COPG2: variants seen among roughly 807,000 people sequenced by gnomAD.
COPG2 encodes coat protein complex I subunit gamma 2.
In COPG2, 37 loss-of-function variants were observed where a neutral mutation model predicts 46.3. That is an observed-to-expected ratio of 0.80 (90% CI 0.61 to 1.05). The LOEUF (loss-of-function observed/expected upper bound fraction) is 1.05. Ranked by LOEUF, COPG2 falls within the 50% of genes least tolerant of loss-of-function variation. The pLI is 0.00. For synonymous variants in COPG2, 159 were observed against 129.7 expected (o/e 1.23, Z -1.53); for missense variants, 427 against 387.8 (o/e 1.10, Z -0.85).
intron 5 of COPG2, among the ~76,000 whole-genome samples, chr7:130,630,215 T>G (rs1013671351): frequency 3.7e-4 from 57 of 152,266 alleles, no homozygotes; most frequent in African/African-American, 1.3e-3. Context: ...CCGGCCCCTA[T>G]TTAGGTCTTA....
chr7:130,540,434 T>C (rs1488383536), intron 20 of COPG2, among the ~76,000 whole-genome samples: 1 of 151,692 alleles, frequency 6.6e-6, no homozygotes, highest in African/African-American at 2.4e-5. Flanking sequence ...AAACTGACAA[T>C]AGTAAGCACC....
At chr7:130,607,510 G>A in intron 9 of COPG2, 1 of 430,016 alleles carries the variant, frequency 2.3e-6, no homozygotes, top group South Asian at 1.7e-5. Context: ...AAGCTTGGCT[G>A]GGATCAAACT....
chr7:130,513,128 A>G (rs1799623719), intron 20 of COPG2, among the ~76,000 whole-genome samples: 1 of 151,178 alleles, frequency 6.6e-6, no homozygotes, highest in Non-Finnish European at 1.5e-5. Context: ...TCTACTAAAA[A>G]TGCAAAAAGT....
chr7:130,533,057 G>A (rs1799844536), intron 20 of COPG2, among the ~76,000 whole-genome samples: 3 of 152,238 alleles, frequency 2.0e-5, no homozygotes, highest in African/African-American at 2.4e-5. Flanking sequence ...ACGTGGAAAA[G>A]CAGGACAGAG....
intron 12 of COPG2, among the ~76,000 whole-genome samples, chr7:130,556,074 A>C (rs916324675): frequency 3.7e-4 from 56 of 152,316 alleles, no homozygotes; most frequent in African/African-American, 1.3e-3. Context: ...AGTGCAATGC[A>C]AAGAGAGCCA....
At chr7:130,524,115 G>A (rs1166333342) in intron 20 of COPG2, among the ~76,000 whole-genome samples, 1 of 152,160 alleles carries the variant, frequency 6.6e-6, no homozygotes, top group Admixed American at 6.5e-5. Flanking sequence ...AAAGGGAATT[G>A]AGAAGGTTTT....
At chr7:130,590,530 T>C (rs1166354983) in intron 9 of COPG2, among the ~76,000 whole-genome samples, 1 of 152,260 alleles carries the variant, frequency 6.6e-6, no homozygotes, top group East Asian at 1.9e-4. Flanking sequence ...GGTGCCGGGA[T>C]GGCAGACGGA....
intron 5 of COPG2, among the ~76,000 whole-genome samples, chr7:130,631,348 G>T (rs1795227696): frequency 6.6e-6 from 1 of 151,838 alleles, no homozygotes; most frequent in African/African-American, 2.4e-5. Flanking sequence ...AGTAGAGATG[G>T]GGTTTCGCCA....
In COPG2 at chr7:130,554,556, T is replaced by C. The variant is rs1048125500; in HGVS notation, c.1393A>G (p.Arg465Gly). 1.0e-5 allele frequency: 4 copies of C among 398,524 alleles called. No individual in the cohort carries two copies. In the East Asian group the frequency reaches 1.1e-4, roughly 11 times the overall value. 24.7% of individuals were successfully genotyped at this position (398,524 alleles called of 1,614,324 possible). ...ILHLLGKEGP[R>G]TPVPSKYIRF... is the part of the protein sequence containing the mutation. ...ATATATTTGGAGGGGACAGGCGTTC[T>C]AGGGCCCTCTTTGCCCAACAAGTGT... The change falls in exon 14 of 24, where the codon AGA becomes GGA. Residue 465 changes from arginine to glycine, a missense_variant. Arg to Gly is a moderately radical substitution (Grantham distance 125). Coordinates refer to ENST00000425248, the MANE Select transcript of COPG2 (RefSeq NM_012133.6).
At chr7:130,629,338 C>T (rs1448173884) in intron 5 of COPG2, among the ~76,000 whole-genome samples, 1 of 151,504 alleles carries the variant, frequency 6.6e-6, no homozygotes, top group Non-Finnish European at 1.5e-5. Context: ...AAAAAAATGG[C>T]CATTATTACC....
chr7:130,542,513 TG>T (rs1441696108), intron 20 of COPG2, among the ~76,000 whole-genome samples: 25 of 151,672 alleles, frequency 1.6e-4, no homozygotes, highest in African/African-American at 2.2e-4. Flanking sequence ...GTGTCATCAG[TG>T]GGGGGCAGGG....
intron 20 of COPG2, among the ~76,000 whole-genome samples, chr7:130,526,512 C>T (rs1799775710): frequency 1.3e-5 from 2 of 151,938 alleles, no homozygotes; most frequent in Non-Finnish European, 1.5e-5. Flanking sequence ...GGGGAGTCAC[C>T]TACAGAAGAC....
chr7:130,533,965 C>T (rs1326651116), intron 20 of COPG2, among the ~76,000 whole-genome samples: 13 of 57,182 alleles, frequency 2.3e-4, no homozygotes, highest in African/African-American at 1.0e-3. Context: ...GAAATAACCT[C>T]ATGAATTTAT....
rs66516227 is a variant in COPG2 at position 130,662,934 on chromosome 7, TTTTCATCGTAAAAAA to T, written c.243+18_243+32del. On this transcript the variant is annotated intron_variant, in intron 4 of 23. Coordinates refer to ENST00000425248, the MANE Select transcript of COPG2 (RefSeq NM_012133.6). ...CTGGGGAAAATAAATAAAAGGAGGT[TTTTCATCGTAAAAAA>T]AATTTAAAAAGACTTACATCATTAG... 7,863 of 1,341,560 alleles carry T rather than the reference TTTTCATCGTAAAAAA, an allele frequency of 5.9e-3. 388 individuals carry two copies. In the African/African-American group the frequency reaches 0.1, roughly 18 times the overall value. 83.1% of individuals were successfully genotyped at this position (1,341,560 alleles called of 1,614,324 possible).
At chr7:130,524,754 G>A (rs1406702736) in intron 20 of COPG2, among the ~76,000 whole-genome samples, 1 of 152,144 alleles carries the variant, frequency 6.6e-6, no homozygotes. Flanking sequence ...CAAGGGAGAA[G>A]CAGGGCATAG....
At chr7:130,607,477 A>T (rs1554451438) in intron 9 of COPG2, 1 of 441,378 alleles carries the variant, frequency 2.3e-6, no homozygotes, top group Non-Finnish European at 4.5e-6. Context: ...AGACTCTAGA[A>T]CTCATGGAGT....
intron 20 of COPG2, chr7:130,511,754 C>A (rs782035293): frequency 1.9e-6 from 1 of 517,690 alleles, no homozygotes; most frequent in African/African-American, 1.9e-5. Context: ...AATGGGGTAT[C>A]CTGTCTAGGT....
intron 9 of COPG2, among the ~76,000 whole-genome samples, chr7:130,596,062 C>T (rs1427792621): frequency 2.0e-5 from 3 of 152,226 alleles, no homozygotes; most frequent in Non-Finnish European, 2.9e-5. Context: ...TTGACCTACA[C>T]CTGAGCTCTG....
intron 9 of COPG2, among the ~76,000 whole-genome samples, chr7:130,607,083 G>A (rs1554451366): frequency 6.6e-6 from 1 of 151,760 alleles, no homozygotes; most frequent in African/African-American, 2.4e-5. Context: ...TCTACAAAAA[G>A]TACAAAAATT....
Sources: gnomAD v4.1 joint callset for allele counts (sites outside exome capture counted in the v4.1 genomes callset) on GRCh38, gnomAD v4.1.1 for gene constraint, MANE v1.5 for transcripts, NCBI Gene and HGNC (gene_info 2026-07-23, HGNC 2026-07-21) for gene names.